NRXN3: variants seen among roughly 807,000 people sequenced by gnomAD.
NRXN3 encodes the protein neurexin 3, also known as neurexin III.
A neutral mutation model predicts 137.6 loss-of-function variants in NRXN3; 32 were observed. The observed-to-expected ratio is 0.23, with a 90% CI of 0.18 to 0.31. The LOEUF (loss-of-function observed/expected upper bound fraction) is 0.31, where lower values mean the gene tolerates loss of function less well. NRXN3 is among the 10% of genes least tolerant of loss of function. The pLI, the probability that NRXN3 is intolerant of heterozygous loss-of-function variation, is 1.00. For synonymous variants in NRXN3, 798 were observed against 784.5 expected (o/e 1.02, Z -0.29); for missense variants, 1,574 against 2,062.5 (o/e 0.76, Z 4.59).
At chr14:78,702,620 T>C (rs1475051544) in intron 6 of NRXN3, among the ~76,000 whole-genome samples, 2 of 151,866 alleles carry the variant, frequency 1.3e-5, no homozygotes, top group African/African-American at 4.8e-5. Flanking sequence ...ATTTCTGTAT[T>C]TTTAGTAGAG....
chr14:78,372,748 C>G (rs560521257), intron 4 of NRXN3, among the ~76,000 whole-genome samples: 2 of 152,274 alleles, frequency 1.3e-5, no homozygotes, highest in African/African-American at 4.8e-5. Context: ...TAAGGATAAG[C>G]TAAGGTATGT....
At chr14:79,315,371 C>T (rs1296638203) in intron 15 of NRXN3, among the ~76,000 whole-genome samples, 1 of 151,972 alleles carries the variant, frequency 6.6e-6, no homozygotes, top group East Asian at 1.9e-4. Flanking sequence ...ATATATTGTT[C>T]TAAGTAAATG....
intron 15 of NRXN3, among the ~76,000 whole-genome samples, chr14:79,282,273 T>C (rs1332362362): frequency 1.3e-5 from 2 of 152,106 alleles, no homozygotes; most frequent in Admixed American, 6.6e-5. Context: ...CCAGAGAGAC[T>C]GTTACTAATA....
intron 15 of NRXN3, among the ~76,000 whole-genome samples, chr14:78,989,950 A>G (rs369350379): frequency 2.6e-5 from 4 of 152,180 alleles, no homozygotes; most frequent in African/African-American, 9.7e-5. Flanking sequence ...AATGCCAGGC[A>G]TTATTTTCTG....
intron 15 of NRXN3, among the ~76,000 whole-genome samples, chr14:79,375,508 G>T (rs1206147893): frequency 6.6e-6 from 1 of 151,972 alleles, no homozygotes; most frequent in African/African-American, 2.4e-5. Context: ...AGTGCCTTTT[G>T]GAGGAACACG....
chr14:78,442,750 T>C (rs1188843646), intron 4 of NRXN3, among the ~76,000 whole-genome samples: 5 of 152,234 alleles, frequency 3.3e-5, no homozygotes, highest in Admixed American at 2.0e-4. Flanking sequence ...TCTAGGCAGC[T>C]GGGTGAAAGG....
chr14:79,762,947 C>T (rs1486936256), intron 19 of NRXN3, among the ~76,000 whole-genome samples: 1 of 151,480 alleles, frequency 6.6e-6, no homozygotes, highest in Non-Finnish European at 1.5e-5. Context: ...TATACACGTG[C>T]CATGGTAGTT....
intron 20 of NRXN3, among the ~76,000 whole-genome samples, chr14:79,837,496 A>T (rs552804162): frequency 7.2e-5 from 11 of 152,262 alleles, no homozygotes; most frequent in Admixed American, 2.0e-4. Flanking sequence ...AACCTGTGGG[A>T]AAAGACCCAG....
intron 15 of NRXN3, among the ~76,000 whole-genome samples, chr14:79,113,788 CTT>C (rs370263822): frequency 1.3e-5 from 2 of 152,124 alleles, no homozygotes; most frequent in African/African-American, 4.8e-5. Flanking sequence ...GGTTCTGAAA[CTT>C]TTTTTGTGCA....
chr14:78,641,453 C>G (rs1246212534), intron 4 of NRXN3, among the ~76,000 whole-genome samples: 1 of 152,092 alleles, frequency 6.6e-6, no homozygotes, highest in Non-Finnish European at 1.5e-5. Flanking sequence ...GCCTGGGGGA[C>G]AGAGCGAGAC....
Position 79,810,941 on chromosome 14 carries a change from T to G in NRXN3, c.4093+5751T>G, listed in dbSNP as rs76210055. Among the ~76,000 whole-genome samples, 335 of 152,338 alleles carry G rather than the reference T, an allele frequency of 2.2e-3. 10 individuals carry two copies. In the East Asian group the frequency reaches 0.043, roughly 20 times the overall value. On this transcript the variant is annotated intron_variant, in intron 20 of 20. Coordinates refer to ENST00000335750, the MANE Select transcript of NRXN3 (RefSeq NM_001330195.2). Reference sequence around the variant, plus strand: ...CTTAAATATGATGTTTGAAATCTTATAGAGATACGTTTTGTCATTTGTGTC... The same window carrying G: ...CTTAAATATGATGTTTGAAATCTTAGAGAGATACGTTTTGTCATTTGTGTC...
At chr14:78,683,474 T>C (rs2098096383) in intron 6 of NRXN3, among the ~76,000 whole-genome samples, 1 of 152,184 alleles carries the variant, frequency 6.6e-6, no homozygotes, top group East Asian at 1.9e-4. Flanking sequence ...CTTTATTTAG[T>C]TTGTAGAAAA....
At chr14:78,316,509 T>G (rs2078726018) in intron 4 of NRXN3, among the ~76,000 whole-genome samples, 1 of 152,166 alleles carries the variant, frequency 6.6e-6, no homozygotes, top group Non-Finnish European at 1.5e-5. Flanking sequence ...TGAAAGGTGT[T>G]TGTTTGTTTG....
At chr14:78,705,789 C>T (rs533315632) in intron 6 of NRXN3, among the ~76,000 whole-genome samples, 4 of 152,254 alleles carry the variant, frequency 2.6e-5, no homozygotes, top group Admixed American at 6.5e-5. Flanking sequence ...TTTTTATTCA[C>T]AACAGTGAAA....
chr14:79,680,108 T>C (rs1483391524), intron 17 of NRXN3, among the ~76,000 whole-genome samples: 1 of 152,178 alleles, frequency 6.6e-6, no homozygotes, highest in Non-Finnish European at 1.5e-5. Context: ...AAGGAAATGA[T>C]TTCTAAACTC....
chr14:78,773,794 T>C (rs748655365), intron 8 of NRXN3, among the ~76,000 whole-genome samples: 5 of 152,032 alleles, frequency 3.3e-5, no homozygotes, highest in Non-Finnish European at 7.4e-5. Flanking sequence ...ATTTACTTAT[T>C]TGTTTGTTTG....
chr14:78,953,187 A>AT (rs2152953881), intron 10 of NRXN3, among the ~76,000 whole-genome samples: 1 of 152,286 alleles, frequency 6.6e-6, no homozygotes, highest in Admixed American at 6.5e-5. Flanking sequence ...TCAAATATAG[A>AT]TTTTTAACAT....
intron 4 of NRXN3, among the ~76,000 whole-genome samples, chr14:78,374,934 G>A (rs1362814418): frequency 6.6e-6 from 1 of 152,144 alleles, no homozygotes; most frequent in East Asian, 1.9e-4. Context: ...GTACCTGTGA[G>A]GAAATAGCCT....
intron 15 of NRXN3, among the ~76,000 whole-genome samples, chr14:79,055,105 C>T (rs1568131522): frequency 6.6e-6 from 1 of 152,214 alleles, no homozygotes; most frequent in Non-Finnish European, 1.5e-5. Flanking sequence ...TCTATTCCTG[C>T]AGGACACATA....
Sources: gnomAD v4.1 joint callset for allele counts (sites outside exome capture counted in the v4.1 genomes callset) on GRCh38, gnomAD v4.1.1 for gene constraint, MANE v1.5 for transcripts, NCBI Gene and HGNC (gene_info 2026-07-23, HGNC 2026-07-21) for gene names.